The following MCF2L2 variants were observed in gnomAD, a reference collection of about 807,000 sequenced individuals.
The protein encoded by MCF2L2 is probable guanine nucleotide exchange factor MCF2L2.
A neutral mutation model predicts 150.2 loss-of-function variants in MCF2L2; 102 were observed. The observed-to-expected ratio is 0.68, with a 90% CI of 0.58 to 0.80. The LOEUF is 0.80. Ranked by LOEUF, MCF2L2 falls within the 30% of genes least tolerant of loss-of-function variation. MCF2L2 has a pLI of 0.00. For missense variants in MCF2L2, 1,256 were observed against 1,372.8 expected (o/e 0.91, Z 1.34); for synonymous variants, 465 against 491.3 (o/e 0.95, Z 0.71).
intron 25 of MCF2L2, among the ~76,000 whole-genome samples, chr3:183,198,612 TAA>T (rs1334806724): frequency 6.6e-6 from 1 of 152,198 alleles, no homozygotes; most frequent in Non-Finnish European, 1.5e-5. Flanking sequence ...AAAGGAGTTT[TAA>T]AAATTGTAGT....
intron 1 of MCF2L2, among the ~76,000 whole-genome samples, chr3:183,414,324 G>C (rs1715474866): frequency 6.6e-6 from 1 of 152,092 alleles, no homozygotes; most frequent in Non-Finnish European, 1.5e-5. Flanking sequence ...TATAGTTTTA[G>C]GAATCTGTCC....
chr3:183,230,305 G>A (rs1172441502), intron 16 of MCF2L2, among the ~76,000 whole-genome samples: 2 of 152,152 alleles, frequency 1.3e-5, no homozygotes, highest in South Asian at 2.1e-4. Flanking sequence ...GTAGAGACAG[G>A]GTTTCACCAT....
intron 3 of MCF2L2, among the ~76,000 whole-genome samples, chr3:183,350,399 C>T (rs1263357503): frequency 6.6e-6 from 1 of 151,864 alleles, no homozygotes. Flanking sequence ...CAATGTATTT[C>T]TTAAGGTAAC....
intron 1 of MCF2L2, chr3:183,400,338 G>A (rs1714682541): frequency 4.5e-6 from 2 of 448,090 alleles, no homozygotes; most frequent in East Asian, 1.4e-4. Context: ...ATGCATCCTT[G>A]CTTCCACACT....
chr3:183,395,097 G>A (rs899431676), intron 1 of MCF2L2, among the ~76,000 whole-genome samples: 5 of 152,092 alleles, frequency 3.3e-5, no homozygotes, highest in East Asian at 1.9e-4. Flanking sequence ...AAAGCCCAAC[G>A]TCTTAACCAT....
rs2108479237 is a variant in MCF2L2 at position 183,289,235 on chromosome 3, C to T, written c.1676-15G>A. 1 of 1,534,724 alleles carries T rather than the reference C, an allele frequency of 6.5e-7. No homozygotes were observed. Among genetic ancestry groups the T allele is most frequent in the Non-Finnish European group, 9.0e-7 (1 of 1,108,738 alleles). ...AGCTAGAGGGACTAAGAGAACCTGCCATTAGTGTGGTTATTTAACTTATAA... is the reference window on the plus strand; with the variant it reads ...AGCTAGAGGGACTAAGAGAACCTGCTATTAGTGTGGTTATTTAACTTATAA... On this transcript the variant is annotated splice_polypyrimidine_tract_variant and intron_variant, in intron 13 of 29. Coordinates refer to ENST00000328913, the MANE Select transcript of MCF2L2 (RefSeq NM_015078.4).
At chr3:183,228,217 T>G (rs771917310) in intron 18 of MCF2L2, 80 bp downstream of exon 18, 158 of 1,021,818 alleles carry the variant, frequency 1.5e-4, no homozygotes, top group Admixed American at 9.0e-4. Context: ...ACCATTGATG[T>G]TTCCATTTGT....
chr3:183,199,391 T>C (rs1439410583), intron 25 of MCF2L2, among the ~76,000 whole-genome samples: 2 of 152,168 alleles, frequency 1.3e-5, no homozygotes, highest in Admixed American at 6.5e-5. Flanking sequence ...CAGAACTCAA[T>C]TGATAAAGCT....
intron 22 of MCF2L2, among the ~76,000 whole-genome samples, chr3:183,212,933 G>A (rs1722784635): frequency 8.5e-6 from 1 of 117,780 alleles, no homozygotes; most frequent in Non-Finnish European, 1.6e-5. Context: ...GCAACCGCCT[G>A]TAATATAGGT....
chr3:183,310,239 C>A (rs575141517), intron 9 of MCF2L2, among the ~76,000 whole-genome samples: 2 of 152,068 alleles, frequency 1.3e-5, no homozygotes, highest in South Asian at 4.2e-4. Context: ...CAGTGGCTCA[C>A]GCCTGTAATC....
intron 27 of MCF2L2, chr3:183,192,568 A>ACCCTGGGGTGT (rs1721935552): frequency 6.4e-6 from 1 of 155,566 alleles, no homozygotes; most frequent in Non-Finnish European, 1.4e-5. Flanking sequence ...CAGCAGGGAC[A>ACCCTGGGGTGT]CCCTGGACAA....
intron 27 of MCF2L2, 199 bp from the exon 28 acceptor site, chr3:183,180,358 G>GT (rs752368089): frequency 1.9e-6 from 1 of 518,756 alleles, no homozygotes; most frequent in Non-Finnish European, 3.4e-6. Context: ...CCGAGATGCC[G>GT]TAATTCACCG....
intron 14 of MCF2L2, among the ~76,000 whole-genome samples, chr3:183,281,587 A>G (rs1274392862): frequency 6.6e-6 from 1 of 152,070 alleles, no homozygotes; most frequent in Non-Finnish European, 1.5e-5. Flanking sequence ...TAAAACCACA[A>G]CTATTTCCAG....
intron 15 of MCF2L2, among the ~76,000 whole-genome samples, chr3:183,246,913 T>G (rs1021893912): frequency 2.0e-5 from 3 of 152,120 alleles, no homozygotes; most frequent in African/African-American, 4.8e-5. Context: ...GTTGTTTTTG[T>G]TTTTTGTTTT....
chr3:183,291,289 A>G (rs570812427), intron 13 of MCF2L2, among the ~76,000 whole-genome samples: 22 of 152,306 alleles, frequency 1.4e-4, no homozygotes, highest in Middle Eastern at 3.4e-3. Context: ...CCAGTGTTCA[A>G]ACCTTGCTCT....
chr3:183,316,430 C>T (rs1489742076), intron 7 of MCF2L2, among the ~76,000 whole-genome samples: 1 of 145,786 alleles, frequency 6.9e-6, no homozygotes, highest in African/African-American at 2.5e-5. Context: ...CTGCAACCTC[C>T]ATCTCCCGGG....
At chr3:183,364,279 G>C (rs1712384787) in intron 3 of MCF2L2, among the ~76,000 whole-genome samples, 1 of 152,140 alleles carries the variant, frequency 6.6e-6, no homozygotes, top group South Asian at 2.1e-4. Flanking sequence ...CACTTTGGGA[G>C]GGCGAGGCGG....
chr3:183,216,055 C>T lies in MCF2L2; in HGVS notation c.2410G>A (p.Glu804Lys). ...ATCACTGCCAAAGCTTGTTGTAGTT[C>T]AGTTGAGAATGCTGAATCTTTGGTT... ...KRTKDSAFST[E>K]LQQALAVIED... Residue 804 changes from glutamate (E) to lysine (K), a missense_variant, in exon 22 of 30, where the codon GAA (glutamate) becomes AAA (lysine). Physicochemically the swap from Glu to Lys is moderately conservative, Grantham distance 56. Transcript: ENST00000328913. 1 of 1,613,950 alleles carries T rather than the reference C, an allele frequency of 6.2e-7. No homozygotes were observed. Among genetic ancestry groups the T allele is most frequent in the Non-Finnish European group, 8.5e-7 (1 of 1,179,918 alleles).
chr3:183,391,022 G>A (rs1234713918), intron 1 of MCF2L2, among the ~76,000 whole-genome samples: 1 of 152,142 alleles, frequency 6.6e-6, no homozygotes, highest in Non-Finnish European at 1.5e-5. Flanking sequence ...GATGCTAGGT[G>A]GGAATTTCCT....
Sources: gnomAD v4.1 joint callset for allele counts (sites outside exome capture counted in the v4.1 genomes callset) on GRCh38, gnomAD v4.1.1 for gene constraint, MANE v1.5 for transcripts, NCBI Gene and HGNC (gene_info 2026-07-23, HGNC 2026-07-21) for gene names.